Variants in AGK observed in about 807,000 individuals in gnomAD.
AGK encodes acylglycerol kinase.
AGK carries 52 observed loss-of-function variants against 66.4 expected under a neutral mutation model. That is an observed-to-expected ratio of 0.78 (90% CI 0.63 to 0.99). The LOEUF is 0.99. AGK is among the 50% of genes least tolerant of loss of function. AGK has a pLI of 0.00. For missense variants in AGK, 451 were observed against 506.6 expected, an observed-to-expected ratio of 0.89 and a Z score of 1.05; for synonymous variants, 182 against 181.1, an observed-to-expected ratio of 1.00 and a Z score of -0.04.
At chr7:141,605,387 C>G (rs1678756869) in intron 5 of AGK, among the ~76,000 whole-genome samples, 1 of 152,114 alleles carries the variant, frequency 6.6e-6, no homozygotes. Flanking sequence ...ACTAGATTCA[C>G]TAATCTTGAG....
chr7:141,619,220 A>C (rs1475161106), intron 8 of AGK, among the ~76,000 whole-genome samples: 1 of 152,184 alleles, frequency 6.6e-6, no homozygotes, highest in Non-Finnish European at 1.5e-5. Context: ...TAGAAAAATA[A>C]AGGAAGCAGA....
rs1334653606 is a variant in AGK, at chr7:141,581,823, G to A, written c.102-11323G>A. Among the ~76,000 whole-genome samples, 4 of 151,786 alleles carry A rather than the reference G, an allele frequency of 2.6e-5. No homozygotes were observed. In the South Asian group the frequency reaches 6.2e-4, roughly 24 times the overall value. On this transcript the variant is annotated intron_variant, in intron 2 of 15. Coordinates refer to ENST00000649286, the MANE Select transcript of AGK (RefSeq NM_018238.4). ...CCTAATAAGGGAGCTGGGCAGGTGG[G>A]GATAACTAAAAAGAGTGCATAAAAG...
At chr7:141,639,271 G>A (rs1442065333) in intron 11 of AGK, among the ~76,000 whole-genome samples, 1 of 152,204 alleles carries the variant, frequency 6.6e-6, no homozygotes, top group African/African-American at 2.4e-5. Flanking sequence ...AGACAGCAAG[G>A]ACACGCTACT....
At chr7:141,570,311 C>T (rs1462677012) in intron 2 of AGK, among the ~76,000 whole-genome samples, 4 of 152,048 alleles carry the variant, frequency 2.6e-5, no homozygotes, top group Middle Eastern at 3.4e-3. Flanking sequence ...CACTTCAACC[C>T]GGGAGGCGGA....
intron 1 of AGK, among the ~76,000 whole-genome samples, 166 bp downstream of exon 1, chr7:141,551,600 G>T (rs2116835594): frequency 6.6e-6 from 1 of 152,280 alleles, no homozygotes; most frequent in South Asian, 2.1e-4. Context: ...GTGGGTGCAG[G>T]CGGCGGCGCG....
At chr7:141,613,139 C>T (rs774936355) in intron 6 of AGK, among the ~76,000 whole-genome samples, 1 of 152,080 alleles carries the variant, frequency 6.6e-6, no homozygotes, top group Non-Finnish European at 1.5e-5. Flanking sequence ...TCTCAACAGC[C>T]CCATTTATTC....
intron 2 of AGK, among the ~76,000 whole-genome samples, chr7:141,588,916 G>A (rs539716208): frequency 6.6e-6 from 1 of 152,298 alleles, no homozygotes; most frequent in South Asian, 2.1e-4. Context: ...AATGAGCAGT[G>A]AGGACACTAG....
intron 10 of AGK, among the ~76,000 whole-genome samples, 154 bp downstream of exon 10, chr7:141,634,134 G>A (rs527476977): frequency 6.6e-6 from 1 of 152,328 alleles, no homozygotes; most frequent in South Asian, 2.1e-4. Flanking sequence ...GAACAATCAG[G>A]TAGAGGTTTA....
chr7:141,627,948 CT>C (rs1425146735), intron 9 of AGK, among the ~76,000 whole-genome samples: 4 of 152,248 alleles, frequency 2.6e-5, no homozygotes, highest in African/African-American at 7.2e-5. Context: ...GTGGCACAAT[CT>C]TGGCTCACTG....
chr7:141,566,223 A>G (rs559128629), intron 2 of AGK, among the ~76,000 whole-genome samples: 3 of 152,078 alleles, frequency 2.0e-5, no homozygotes, highest in Non-Finnish European at 4.4e-5. Context: ...ATCATCTTAC[A>G]TTTTCTCCAT....
chr7:141,560,706 T>C (rs927488119), intron 2 of AGK, among the ~76,000 whole-genome samples: 7 of 152,130 alleles, frequency 4.6e-5, no homozygotes, highest in African/African-American at 1.7e-4. Context: ...TAAATGAGAA[T>C]ATATGATATT....
intron 13 of AGK, among the ~76,000 whole-genome samples, chr7:141,647,738 T>C (rs776513986): frequency 2.6e-5 from 4 of 152,194 alleles, no homozygotes; most frequent in Non-Finnish European, 5.9e-5. Flanking sequence ...TCGTGCGATA[T>C]TGGCTCACTG....
At chr7:141,608,804 C>T (rs1796516021) in intron 5 of AGK, among the ~76,000 whole-genome samples, 1 of 152,150 alleles carries the variant, frequency 6.6e-6, no homozygotes. Flanking sequence ...ACTTGCCAGG[C>T]ATCTTGCTAA....
At chr7:141,637,332 T>C (rs1029466202) in intron 11 of AGK, among the ~76,000 whole-genome samples, 3 of 152,174 alleles carry the variant, frequency 2.0e-5, no homozygotes, top group Non-Finnish European at 4.4e-5. Context: ...TCTTCAGCGA[T>C]TATTTTATGC....
At chr7:141,627,331 G>A (rs987544655) in intron 9 of AGK, among the ~76,000 whole-genome samples, 4 of 151,968 alleles carry the variant, frequency 2.6e-5, no homozygotes, top group Non-Finnish European at 4.4e-5. Flanking sequence ...GCAAAGCTGC[G>A]AAGTAAAATA....
At chr7:141,595,762 C>T (rs979679410) in intron 3 of AGK, among the ~76,000 whole-genome samples, 20 of 152,132 alleles carry the variant, frequency 1.3e-4, no homozygotes, top group African/African-American at 2.7e-4. Context: ...ATTCATTTCT[C>T]ATTTGGACTC....
intron 1 of AGK, among the ~76,000 whole-genome samples, chr7:141,552,943 G>A (rs1795129891): frequency 6.6e-6 from 1 of 151,920 alleles, no homozygotes. Context: ...AACTATCTAC[G>A]TATGTTTCTC....
At chr7:141,596,143 T>C (rs1158462329) in intron 3 of AGK, among the ~76,000 whole-genome samples, 2 of 152,210 alleles carry the variant, frequency 1.3e-5, no homozygotes, top group Non-Finnish European at 2.9e-5. Context: ...ATATGAAGAT[T>C]AACTGGTAAC....
intron 8 of AGK, 37 bp from the exon 9 acceptor site, chr7:141,621,695 A>G: frequency 2.7e-6 from 4 of 1,508,228 alleles, no homozygotes; most frequent in East Asian, 4.5e-5. Flanking sequence ...GATGTTGCCT[A>G]TTTTTCATAA....
Sources: gnomAD v4.1 joint callset for allele counts (sites outside exome capture counted in the v4.1 genomes callset) on GRCh38, gnomAD v4.1.1 for gene constraint, MANE v1.5 for transcripts, NCBI Gene and HGNC (gene_info 2026-07-23, HGNC 2026-07-21) for gene names.